Variants in B3GALT1 observed in about 807,000 individuals in gnomAD.
B3GALT1 encodes beta-1,3-galactosyltransferase 1, also known as UDP-Gal:betaGlcNAc beta 1,3-galactosyltransferase, polypeptide 1.
Under a neutral mutation model 23.2 loss-of-function variants are expected in B3GALT1, and 10 were observed. The ratio of observed to expected loss-of-function variants is 0.43; its 90% confidence interval spans 0.27 to 0.73. The LOEUF (loss-of-function observed/expected upper bound fraction) is 0.73. Ranked by LOEUF, B3GALT1 falls within the 30% of genes least tolerant of loss-of-function variation. The probability of loss-of-function intolerance (pLI) is 0.21; values close to 1 mark genes in which losing one functional copy is unlikely to be tolerated. For missense variants in B3GALT1, 299 were observed against 405.4 expected (o/e 0.74, Z 2.25); for synonymous variants, 156 against 141.5 (o/e 1.10, Z -0.73).
chr2:167,312,561 C>T (rs529041137), intron 1 of B3GALT1, among the ~76,000 whole-genome samples: 8 of 151,844 alleles, frequency 5.3e-5, no homozygotes, highest in Non-Finnish European at 1.0e-4. Context: ...ACAACAGGCA[C>T]CAATAGAAAA....
At chr2:167,367,591 A>T (rs1249027080) in intron 1 of B3GALT1, among the ~76,000 whole-genome samples, 1 of 152,216 alleles carries the variant, frequency 6.6e-6, no homozygotes, top group African/African-American at 2.4e-5. Flanking sequence ...GGCTCTGTTC[A>T]GCAAGAGGCA....
chr2:167,873,308 C>T lies in B3GALT1; in HGVS notation c.*3288C>T, dbSNP rs1362044485. ...GGCTTGGTGTCTTCTTATATTGGAA[C>T]AAGTGTCCATTTCAATATGTAATAT... On this transcript the variant is annotated 3_prime_UTR_variant, in exon 5 of 5. Coordinates refer to ENST00000392690, the MANE Select transcript of B3GALT1 (RefSeq NM_020981.4). 6.6e-6 allele frequency: 1 copy of T among 152,024 alleles called. No homozygotes were observed. Among genetic ancestry groups the T allele is most frequent in the Non-Finnish European group, 1.5e-5 (1 of 68,020 alleles). The allele number at this position is 152,024 out of a possible 1,614,324, so 9.4% of individuals were successfully genotyped here. A position where few individuals can be genotyped will look rare whatever the true frequency, so the allele number is the denominator to read the frequency against.
At chr2:167,655,106 T>C (rs1297189389) in intron 3 of B3GALT1, among the ~76,000 whole-genome samples, 1 of 152,158 alleles carries the variant, frequency 6.6e-6, no homozygotes, top group East Asian at 1.9e-4. Flanking sequence ...TACTTAATCT[T>C]GATATTTTTT....
intron 1 of B3GALT1, among the ~76,000 whole-genome samples, chr2:167,441,150 A>G (rs959105856): frequency 2.6e-5 from 4 of 152,172 alleles, no homozygotes; most frequent in Non-Finnish European, 5.9e-5. Flanking sequence ...GGACTCTAGC[A>G]TTGCGTGCAT....
chr2:167,715,647 C>G (rs1184831995), intron 3 of B3GALT1: 1 of 1,613,778 alleles, frequency 6.2e-7, no homozygotes, highest in Non-Finnish European at 8.5e-7. Flanking sequence ...TCCTCAAGTT[C>G]AGAATTGGAC....
At chr2:167,499,731 G>T (rs1011100328) in intron 2 of B3GALT1, among the ~76,000 whole-genome samples, 2 of 152,070 alleles carry the variant, frequency 1.3e-5, no homozygotes, top group African/African-American at 2.4e-5. Flanking sequence ...TACAAGCAGA[G>T]TTAGAGAGAA....
intron 3 of B3GALT1, among the ~76,000 whole-genome samples, chr2:167,736,722 C>T (rs567075457): frequency 1.1e-4 from 17 of 151,922 alleles, no homozygotes; most frequent in East Asian, 1.9e-4. Context: ...GCCAACATGG[C>T]GAAACCCTGT....
At chr2:167,756,221 A>G (rs1278705030) in intron 3 of B3GALT1, among the ~76,000 whole-genome samples, 2 of 151,876 alleles carry the variant, frequency 1.3e-5, no homozygotes, top group African/African-American at 4.8e-5. Flanking sequence ...CTAATTCTCT[A>G]CTTCCAACTG....
chr2:167,390,152 G>A (rs73021744), intron 1 of B3GALT1, among the ~76,000 whole-genome samples: 2,957 of 152,168 alleles, frequency 0.019, 103 homozygotes, highest in African/African-American at 0.068. Context: ...TCCTGCCCCA[G>A]CTGGGATTTA....
intron 1 of B3GALT1, among the ~76,000 whole-genome samples, chr2:167,475,886 A>C (rs1161625552): frequency 2.6e-5 from 4 of 152,128 alleles, no homozygotes; most frequent in Non-Finnish European, 5.9e-5. Context: ...GTTTGCCTGC[A>C]ACTTTTGTTG....
chr2:167,435,989 ACACACACG>A (rs1305577998), intron 1 of B3GALT1, among the ~76,000 whole-genome samples: 1 of 106,054 alleles, frequency 9.4e-6, no homozygotes, highest in Admixed American at 8.2e-5. Context: ...ACACGCACAC[ACACACACG>A]CACTAGTCCA....
chr2:167,602,819 A>C (rs529426562), intron 2 of B3GALT1, among the ~76,000 whole-genome samples: 1 of 152,178 alleles, frequency 6.6e-6, no homozygotes, highest in Non-Finnish European at 1.5e-5. Flanking sequence ...GTTTAAAAAA[A>C]AAATCAATCT....
At chr2:167,496,182 G>A (rs1345145534) in intron 2 of B3GALT1, among the ~76,000 whole-genome samples, 1 of 152,146 alleles carries the variant, frequency 6.6e-6, no homozygotes, top group East Asian at 1.9e-4. Flanking sequence ...GGACTAGGAG[G>A]TCAACTATTT....
At chr2:167,609,874 A>G (rs1685028530) in intron 2 of B3GALT1, among the ~76,000 whole-genome samples, 1 of 152,144 alleles carries the variant, frequency 6.6e-6, no homozygotes, top group Non-Finnish European at 1.5e-5. Context: ...CAGGAAGAGA[A>G]TAAAGAAATA....
At chr2:167,656,601 A>T (rs150218494) in intron 3 of B3GALT1, among the ~76,000 whole-genome samples, 55 of 152,308 alleles carry the variant, frequency 3.6e-4, no homozygotes, top group Admixed American at 1.1e-3. Flanking sequence ...CCAGCATGTA[A>T]TTGGAAAGAA....
In B3GALT1 at chr2:167,827,218, C is replaced by T. The variant is rs74494906; in HGVS notation, c.-230+8425C>T. 2.9e-3 allele frequency among the ~76,000 whole-genome samples: 447 copies of T among 152,290 alleles called. 2 individuals are homozygous for T. The highest frequency in any genetic ancestry group is 4.4e-3 in the Non-Finnish European group (298 of 68,020). Reference sequence around the variant, plus strand: ...CCCAAAACAGCCCTTCAAGTCAGTGCTTTAAGATTCACCTGCCAGTTAAAG... The same window carrying T: ...CCCAAAACAGCCCTTCAAGTCAGTGTTTTAAGATTCACCTGCCAGTTAAAG... On this transcript the variant is annotated intron_variant, in intron 4 of 4. Coordinates refer to ENST00000392690, the MANE Select transcript of B3GALT1 (RefSeq NM_020981.4).
intron 3 of B3GALT1, among the ~76,000 whole-genome samples, chr2:167,804,641 T>C (rs925419141): frequency 1.3e-5 from 2 of 152,214 alleles, no homozygotes; most frequent in African/African-American, 2.4e-5. Context: ...TCCATGTCCC[T>C]ACAAAGGACA....
At chr2:167,417,020 C>T (rs6725171) in intron 1 of B3GALT1, among the ~76,000 whole-genome samples, 142,036 of 152,114 alleles carry the variant, frequency 0.93, 66,769 homozygotes, top group Non-Finnish European at 0.99. Context: ...GAGTTGGTGC[C>T]GGAACAAGAT....
intron 1 of B3GALT1, among the ~76,000 whole-genome samples, chr2:167,456,989 A>C (rs1320649455): frequency 6.6e-6 from 1 of 152,142 alleles, no homozygotes; most frequent in Non-Finnish European, 1.5e-5. Context: ...CTTTCTGGCA[A>C]CCAGATCCAA....
Sources: allele counts gnomAD v4.1 joint callset (sites outside exome capture counted in the v4.1 genomes callset), GRCh38; gene constraint gnomAD v4.1.1; transcripts MANE v1.5; gene names NCBI Gene and HGNC (gene_info 2026-07-23, HGNC 2026-07-21).